CLEC4A: variants seen among roughly 807,000 people sequenced by gnomAD.
CLEC4A encodes the protein C-type lectin domain family 4 member A.
CLEC4A carries 27 observed loss-of-function variants against 32.7 expected under a neutral mutation model. That is an observed-to-expected ratio of 0.83 (90% confidence interval 0.61 to 1.14). The LOEUF is 1.14. Ranked by LOEUF, CLEC4A falls within the 50% of genes most tolerant of loss-of-function variation. The pLI, the probability that CLEC4A is intolerant of heterozygous loss-of-function variation, is 0.00. For missense variants in CLEC4A, 253 were observed against 274.6 expected (o/e 0.92, Z 0.55); for synonymous variants, 89 against 93.7 (o/e 0.95, Z 0.29).
Position 8,126,194 on chromosome 12 carries a change from G to A in CLEC4A, c.199+517G>A, listed in dbSNP as rs770641522. ...TTTTGCAAATTAGGTGGATTGCTGC[G>A]TATCTTTGGCTTTCAGCATTTGTTG... is the stretch of plus-strand genomic sequence containing the variant. On this transcript the variant is annotated intron_variant, in intron 2 of 5. Transcript: ENST00000229332. 1.1e-4 allele frequency among the ~76,000 whole-genome samples: 16 copies of A among 152,122 alleles called. No individual in the cohort carries two copies. In the East Asian group the frequency reaches 1.4e-3, roughly 13 times the overall value.
intron 3 of CLEC4A, 104 bp downstream of exon 3, chr12:8,129,466 A>C: frequency 1.3e-6 from 1 of 774,476 alleles, no homozygotes; most frequent in Non-Finnish European, 2.2e-6. Context: ...TGAAAAGTTG[A>C]GTCTCACAAT....
chr12:8,119,492 G>A (rs975566362), upstream of CLEC4A, among the ~76,000 whole-genome samples: 2 of 152,188 alleles, frequency 1.3e-5, no homozygotes, highest in Non-Finnish European at 2.9e-5. Flanking sequence ...CCAAAGTGCT[G>A]GGATTACAGG....
intron 3 of CLEC4A, chr12:8,134,406 A>G: frequency 6.2e-7 from 1 of 1,613,828 alleles, no homozygotes; most frequent in Non-Finnish European, 8.5e-7. Context: ...GAGCTTGGCA[A>G]ATTGCTCGAG....
At chr12:8,117,500 A>G in the CLEC4A span, among the ~76,000 whole-genome samples, 10 of 151,854 alleles carry the variant, frequency 6.6e-5, no homozygotes, top group African/African-American at 2.4e-4. Context: ...TGGCCTCCCA[A>G]GGTGCTGGGA....
At chr12:8,137,509 T>G (rs539291291) in intron 5 of CLEC4A, among the ~76,000 whole-genome samples, 115 of 152,356 alleles carry the variant, frequency 7.5e-4, no homozygotes, top group Middle Eastern at 3.4e-3. Flanking sequence ...ATATCTCATA[T>G]TTATGTAATT....
chr12:8,114,023 G>A, the CLEC4A span, among the ~76,000 whole-genome samples: 20 of 152,226 alleles, frequency 1.3e-4, no homozygotes, highest in Admixed American at 5.9e-4. Flanking sequence ...AGGATCCCTG[G>A]GACGGAAAGC....
the CLEC4A span, among the ~76,000 whole-genome samples, chr12:8,111,447 T>C: frequency 1.6e-4 from 25 of 152,206 alleles, no homozygotes; most frequent in African/African-American, 5.8e-4. Context: ...CCCAAAGTGC[T>C]GGGATTACAG....
chr12:8,121,152 G>C (rs1947827335), upstream of CLEC4A: 1 of 152,224 alleles, frequency 6.6e-6, no homozygotes. Context: ...CTTGGATTTT[G>C]GGGTTGTTGG....
the CLEC4A span, among the ~76,000 whole-genome samples, chr12:8,117,340 G>A: frequency 5.3e-5 from 8 of 152,062 alleles, no homozygotes; most frequent in African/African-American, 1.9e-4. Context: ...CTGGGTTCAA[G>A]TGATTCTCCT....
chr12:8,138,397 C>T lies in CLEC4A; in HGVS notation c.*110C>T. 11 of 1,276,842 alleles carry T rather than the reference C, an allele frequency of 8.6e-6. No individual in the cohort carries two copies. The highest frequency in any genetic ancestry group is 1.2e-5 in the Non-Finnish European group (11 of 909,896). 79.1% of individuals were successfully genotyped at this position (1,276,842 alleles called of 1,614,324 possible). On this transcript the variant is annotated 3_prime_UTR_variant, in exon 6 of 6. Transcript: ENST00000229332. ...GGGAGGTCCATAGAATTTAGGTGGT[C>T]TGTCAACTATTCTACTTATGAGAGA...
Position 8,138,324 on chromosome 12 carries a change from A to T in CLEC4A, c.*37A>T. ...TCCATGAACAGGTGGTTGGATTGGTATCTGTCATTGTAGGGATAGATAATA... is the reference window on the plus strand; with the variant it reads ...TCCATGAACAGGTGGTTGGATTGGTTTCTGTCATTGTAGGGATAGATAATA... On this transcript the variant is annotated 3_prime_UTR_variant, in exon 6 of 6. Coordinates refer to ENST00000229332, the MANE Select transcript of CLEC4A (RefSeq NM_016184.4). 1.2e-6 allele frequency: 2 copies of T among 1,612,180 alleles called. No individual in the cohort carries two copies. Among genetic ancestry groups the T allele is most frequent in the Non-Finnish European group, 1.7e-6 (2 of 1,178,630 alleles).
chr12:8,110,611 A>G, the CLEC4A span, among the ~76,000 whole-genome samples: 1 of 152,194 alleles, frequency 6.6e-6, no homozygotes, highest in Non-Finnish European at 1.5e-5. Flanking sequence ...ACCACTGCAC[A>G]GTGTATAACG....
rs565761906 is a variant in CLEC4A at position 8,132,105 on chromosome 12, G to C, written c.298+2743G>C. Among the ~76,000 whole-genome samples, 13 of 152,134 alleles carry C rather than the reference G, an allele frequency of 8.5e-5. 1 individual carries two copies. The highest frequency in any genetic ancestry group is 3.1e-4 in the African/African-American group (13 of 41,478). ...TTATAATCCAATACTGCTCTATTTT[G>C]TAGTTCCAGCTTTGGACATTGGGAA... On this transcript the variant is annotated intron_variant, in intron 3 of 5. Transcript: ENST00000229332.
chr12:8,127,228 C>T (rs73065320), intron 2 of CLEC4A, among the ~76,000 whole-genome samples: 3,707 of 152,288 alleles, frequency 0.024, 60 homozygotes, highest in East Asian at 0.061. Context: ...GATTTGGCCA[C>T]GTTTCTCTTA....
rs756092207 is a variant in CLEC4A at position 8,134,711 on chromosome 12, G to T, written c.299-874G>T. The T allele has an allele frequency of 2.2e-5, 34 of 1,569,536 alleles. No individual in the cohort carries two copies. The African/African-American group carries it at 3.8e-4, about 18-fold the overall frequency. On this transcript the variant is annotated intron_variant, in intron 3 of 5. Coordinates refer to ENST00000229332, the MANE Select transcript of CLEC4A (RefSeq NM_016184.4). ...CAGAGCCTGGCCCAAACCCCGGCCC[G>T]ATTCCTGGCCCTCCAGGAGGGCCTT...
chr12:8,128,159 C>G (rs2889630), intron 2 of CLEC4A, among the ~76,000 whole-genome samples: 18 of 151,930 alleles, frequency 1.2e-4, no homozygotes, highest in Admixed American at 2.0e-4. Flanking sequence ...CGGAGCTCAT[C>G]AAAGAGTGTA....
chr12:8,138,129 G>T lies in CLEC4A; in HGVS notation c.567-11G>T, dbSNP rs367874022. On this transcript the variant is annotated splice_polypyrimidine_tract_variant and intron_variant, in intron 5 of 5. Coordinates refer to ENST00000229332, the MANE Select transcript of CLEC4A (RefSeq NM_016184.4). ...TTGAAGAAATGCCCTCATCCTTTTTGTCGCTTTCAGATTCTGGCATCCACG... is the reference window on the plus strand; with the variant it reads ...TTGAAGAAATGCCCTCATCCTTTTTTTCGCTTTCAGATTCTGGCATCCACG... 8.7e-6 allele frequency: 14 copies of T among 1,609,992 alleles called. No individual in the cohort carries two copies. The African/African-American group carries it at 1.7e-4, about 20-fold the overall frequency.
chr12:8,119,223 T>G (rs1947812776), upstream of CLEC4A, among the ~76,000 whole-genome samples: 4 of 152,224 alleles, frequency 2.6e-5, no homozygotes, highest in South Asian at 8.3e-4. Flanking sequence ...GATTTTTTAT[T>G]TGTTTGCTTT....
the CLEC4A span, among the ~76,000 whole-genome samples, chr12:8,114,716 A>T: frequency 6.6e-6 from 1 of 152,180 alleles, no homozygotes; most frequent in Non-Finnish European, 1.5e-5. Context: ...GGAAGTCTCA[A>T]TTCCAGCTCC....
Sources: allele counts gnomAD v4.1 joint callset (sites outside exome capture counted in the v4.1 genomes callset), GRCh38; gene constraint gnomAD v4.1.1; transcripts MANE v1.5; gene names NCBI Gene and HGNC (gene_info 2026-07-23, HGNC 2026-07-21).